The following DIAPH3 variants were observed in gnomAD, a reference collection of about 807,000 sequenced individuals.
DIAPH3 encodes the protein diaphanous related formin 3.
DIAPH3 carries 117 observed loss-of-function variants against 144.3 expected under a neutral mutation model. That is an observed-to-expected ratio of 0.81 (90% CI 0.70 to 0.95). The LOEUF (loss-of-function observed/expected upper bound fraction) is 0.95, where lower values mean the gene tolerates loss of function less well. Among genes scored for constraint, DIAPH3 ranks in the 40% least tolerant of loss-of-function variants. The pLI, the probability that DIAPH3 is intolerant of heterozygous loss-of-function variation, is 0.00. For missense variants in DIAPH3, 1,421 were observed against 1,412.7 expected (o/e 1.01, Z -0.09); for synonymous variants, 519 against 488.9 (o/e 1.06, Z -0.81).
chr13:59,957,376 GT>G, intron 17 of DIAPH3, among the ~76,000 whole-genome samples: 1 of 152,146 alleles, frequency 6.6e-6, no homozygotes, highest in Non-Finnish European at 1.5e-5. Context: ...AGATCTGATG[GT>G]TTTATAAAGA....
chr13:60,102,481 G>A (rs1414786997), intron 3 of DIAPH3, among the ~76,000 whole-genome samples: 1 of 152,100 alleles, frequency 6.6e-6, no homozygotes, highest in Non-Finnish European at 1.5e-5. Flanking sequence ...AATAGAATTT[G>A]CTCATCCTAT....
chr13:60,097,751 G>A (rs912025908), intron 3 of DIAPH3, among the ~76,000 whole-genome samples: 6 of 150,946 alleles, frequency 4.0e-5, no homozygotes, highest in African/African-American at 7.3e-5. Context: ...ATTTGAAAGC[G>A]TAAGAAAAGC....
chr13:59,906,457 T>C (rs963163541), intron 20 of DIAPH3, among the ~76,000 whole-genome samples: 1 of 152,196 alleles, frequency 6.6e-6, no homozygotes, highest in Non-Finnish European at 1.5e-5. Flanking sequence ...GACATCTACA[T>C]TGTATTCAAT....
chr13:59,953,192 G>A (rs1417002930), intron 17 of DIAPH3, among the ~76,000 whole-genome samples: 1 of 152,128 alleles, frequency 6.6e-6, no homozygotes, highest in Non-Finnish European at 1.5e-5. Flanking sequence ...CACATATCTG[G>A]AGCATGAATG....
intron 27 of DIAPH3, among the ~76,000 whole-genome samples, chr13:59,709,200 A>G (rs1023357679): frequency 1.3e-5 from 2 of 152,228 alleles, no homozygotes; most frequent in African/African-American, 4.8e-5. Context: ...TTAGTTTAAC[A>G]TGATTTACTT....
Position 59,810,775 on chromosome 13 carries a change from T to A in DIAPH3, c.3163+13A>T, listed in dbSNP as rs747665220. The A allele has an allele frequency of 3.7e-6, 6 of 1,612,290 alleles. No individual in the cohort carries two copies. The highest frequency in any genetic ancestry group is 5.1e-6 in the Non-Finnish European group (6 of 1,179,524). On this transcript the variant is annotated intron_variant, in intron 25 of 27. Coordinates refer to ENST00000400324, the MANE Select transcript of DIAPH3 (RefSeq NM_001042517.2). ...GTATACATAGAATAAATAACAAATT[T>A]GATAGTACTCACCAGTCTTCATTTC... is the stretch of plus-strand genomic sequence containing the variant.
chr13:60,081,133 G>T (rs2057545672), intron 4 of DIAPH3, among the ~76,000 whole-genome samples: 1 of 151,840 alleles, frequency 6.6e-6, no homozygotes, highest in South Asian at 2.1e-4. Flanking sequence ...AAGCAGATGA[G>T]ACCTATTTTT....
intron 17 of DIAPH3, among the ~76,000 whole-genome samples, chr13:59,935,520 A>AG (rs1364816716): frequency 1.3e-5 from 2 of 152,238 alleles, no homozygotes; most frequent in African/African-American, 4.8e-5. Context: ...AAGAAGGTTT[A>AG]GGTAGCTCAA....
intron 7 of DIAPH3, chr13:60,013,076 G>A: frequency 1.0e-6 from 1 of 985,352 alleles, no homozygotes; most frequent in Non-Finnish European, 1.2e-6. Context: ...TGCATTTAAT[G>A]AGGGCTGTTT....
chr13:60,128,960 A>C (rs1469076993), intron 2 of DIAPH3, among the ~76,000 whole-genome samples: 1 of 152,208 alleles, frequency 6.6e-6, no homozygotes, highest in African/African-American at 2.4e-5. Context: ...ATATTTCTTA[A>C]TGCAGTATCT....
chr13:59,690,004 C>A (rs943342067), intron 27 of DIAPH3, among the ~76,000 whole-genome samples: 3 of 151,844 alleles, frequency 2.0e-5, no homozygotes, highest in Non-Finnish European at 2.9e-5. Flanking sequence ...GTCACTTTAC[C>A]CAAGAGGAAA....
At chr13:59,754,177 T>A in intron 27 of DIAPH3, among the ~76,000 whole-genome samples, 1 of 152,194 alleles carries the variant, frequency 6.6e-6, no homozygotes, top group East Asian at 1.9e-4. Context: ...CATCTTCTGT[T>A]CCAGAAAAAG....
chr13:59,881,218 AG>A (rs2045019305), intron 20 of DIAPH3, among the ~76,000 whole-genome samples: 1 of 151,954 alleles, frequency 6.6e-6, no homozygotes, highest in Non-Finnish European at 1.5e-5. Context: ...CCATTGCAAA[AG>A]GAAGATGTTC....
intron 17 of DIAPH3, among the ~76,000 whole-genome samples, chr13:59,937,114 G>T (rs1335335612): frequency 6.6e-6 from 1 of 150,952 alleles, no homozygotes; most frequent in Non-Finnish European, 1.5e-5. Flanking sequence ...AGTGAGCTGA[G>T]ATTGCACCAC....
intron 3 of DIAPH3, among the ~76,000 whole-genome samples, chr13:60,095,585 C>A (rs1027896171): frequency 6.6e-6 from 1 of 150,832 alleles, no homozygotes; most frequent in Admixed American, 6.6e-5. Context: ...TTGCTTTTGT[C>A]CCATTTGCCA....
In DIAPH3 at chr13:59,993,851, T is replaced by C. The variant is rs529693603; in HGVS notation, c.1015-1268A>G. Among the ~76,000 whole-genome samples, 7 of 151,916 alleles carry C rather than the reference T, an allele frequency of 4.6e-5. No homozygotes were observed. The South Asian group carries it at 1.5e-3, about 32-fold the overall frequency. On this transcript the variant is annotated intron_variant, in intron 9 of 27. Transcript: ENST00000400324. ...TACCCAGGACCCACAAATGTTTTCTTCAGCAATGCCATATAATTTTTAAAG... is the reference window on the plus strand; with the variant it reads ...TACCCAGGACCCACAAATGTTTTCTCCAGCAATGCCATATAATTTTTAAAG...
chr13:59,780,250 T>C (rs1021239567), intron 25 of DIAPH3, among the ~76,000 whole-genome samples: 3 of 152,238 alleles, frequency 2.0e-5, no homozygotes, highest in East Asian at 1.9e-4. Flanking sequence ...AGCTTCCTAG[T>C]GAATGATGAC....
chr13:59,882,185 T>A (rs1192773763), intron 20 of DIAPH3, among the ~76,000 whole-genome samples: 23 of 152,066 alleles, frequency 1.5e-4, no homozygotes, highest in Non-Finnish European at 5.9e-5. Context: ...ACCTCCTGGG[T>A]TCAAGCAATT....
intron 14 of DIAPH3, 67 bp downstream of exon 14, chr13:59,980,728 C>A (rs2050948325): frequency 3.6e-6 from 5 of 1,401,988 alleles, no homozygotes; most frequent in Admixed American, 1.7e-5. Context: ...AAGCAAATTC[C>A]CTGAGGCAGA....
Sources: allele counts gnomAD v4.1 joint callset (sites outside exome capture counted in the v4.1 genomes callset), GRCh38; gene constraint gnomAD v4.1.1; transcripts MANE v1.5; gene names NCBI Gene and HGNC (gene_info 2026-07-23, HGNC 2026-07-21).